C2orf76: variants seen among roughly 807,000 people sequenced by gnomAD.
C2orf76 encodes UPF0538 protein C2orf76.
In C2orf76, 23 loss-of-function variants were observed where a neutral mutation model predicts 16.9. The ratio of observed to expected loss-of-function variants is 1.36; its 90% confidence interval spans 0.98 to 1.93. The LOEUF (loss-of-function observed/expected upper bound fraction) is 1.93. C2orf76 is among the 30% of genes most tolerant of loss of function. The pLI is 0.00. For missense variants in C2orf76, 152 were observed against 152.6 expected, an observed-to-expected ratio of 1.00 and a Z score of 0.02; for synonymous variants, 48 against 52.3, an observed-to-expected ratio of 0.92 and a Z score of 0.35.
rs77642964 is a variant in C2orf76 at position 119,347,059 on chromosome 2, G to A, written c.-12-7088C>T. ...TGAGTGTAGGTGATGATCATAAAGC[G>A]GTGTTAAAACCATCAGGTAAGACTG... is the stretch of plus-strand genomic sequence containing the variant. On this transcript the variant is annotated intron_variant, in intron 1 of 5. Coordinates refer to ENST00000334816, the MANE Select transcript of C2orf76 (RefSeq NM_001322331.2). Among the ~76,000 whole-genome samples the A allele has an allele frequency of 5.3e-3, 808 of 152,248 alleles. 5 individuals carry two copies. The highest frequency in any genetic ancestry group is 0.019 in the African/African-American group (782 of 41,552).
intron 3 of C2orf76, among the ~76,000 whole-genome samples, chr2:119,319,944 G>A (rs190457243): frequency 3.9e-4 from 59 of 152,286 alleles, no homozygotes; most frequent in Middle Eastern, 3.4e-3. Context: ...TTCAGACAAA[G>A]CCACTTGAAG....
chr2:119,360,064 C>T (rs1277265872), intron 1 of C2orf76, among the ~76,000 whole-genome samples: 1 of 152,158 alleles, frequency 6.6e-6, no homozygotes, highest in African/African-American at 2.4e-5. Context: ...CAGCAACCAC[C>T]GCACCAATCA....
At chr2:119,285,352 C>T in the C2orf76 span, among the ~76,000 whole-genome samples, 1 of 152,294 alleles carries the variant, frequency 6.6e-6, no homozygotes, top group South Asian at 2.1e-4. Flanking sequence ...TGAAGGAAGA[C>T]CTTCATCAGG....
chr2:119,345,360 A>C lies in C2orf76; in HGVS notation c.-12-5389T>G, dbSNP rs905925757. ...TGAAAACTGGCCAACCAGTGTTGGC[A>C]AGGATATGGAGAAACAAATATTTTT... is the stretch of plus-strand genomic sequence containing the variant. On this transcript the variant is annotated intron_variant, in intron 1 of 5. Transcript: ENST00000334816. Among the ~76,000 whole-genome samples the C allele has an allele frequency of 2.0e-5, 3 of 152,212 alleles. No homozygotes were observed. In the East Asian group the frequency reaches 5.8e-4, roughly 29 times the overall value.
intron 1 of C2orf76, among the ~76,000 whole-genome samples, chr2:119,348,046 CAAAAAAAAA>C (rs1205382710): frequency 0.019 from 1,577 of 82,066 alleles, 17 homozygotes; most frequent in South Asian, 0.062. Context: ...GGCTCTGTCT[CAAAAAAAAA>C]AAAAAAAAAA....
chr2:119,309,075 T>C (rs1188752048), intron 5 of C2orf76, among the ~76,000 whole-genome samples: 1 of 152,168 alleles, frequency 6.6e-6, no homozygotes, highest in East Asian at 1.9e-4. Flanking sequence ...GTTATTTTCA[T>C]AGAGATGAGC....
intron 2 of C2orf76, among the ~76,000 whole-genome samples, chr2:119,336,704 A>G (rs1679857417): frequency 6.6e-6 from 1 of 152,112 alleles, no homozygotes; most frequent in Non-Finnish European, 1.5e-5. Flanking sequence ...AAAAAGAAAG[A>G]AAGAAAGGCA....
intron 2 of C2orf76, among the ~76,000 whole-genome samples, chr2:119,333,688 C>T (rs560231474): frequency 2.0e-5 from 3 of 152,230 alleles, no homozygotes; most frequent in African/African-American, 4.8e-5. Flanking sequence ...ATATATGGTC[C>T]ACAGACTGTT....
rs372869722 is a variant in C2orf76, at chr2:119,352,701, C to G, written c.-12-12730G>C. 8.7e-4 allele frequency among the ~76,000 whole-genome samples: 132 copies of G among 152,300 alleles called. 2 individuals carry two copies. In the South Asian group the frequency reaches 0.014, roughly 16 times the overall value. ...TTACTGGTTCAGATGCTGCCTAATT[C>G]ATGCATTGTTTCTTTACTCAAATAA... On this transcript the variant is annotated intron_variant, in intron 1 of 5. Coordinates refer to ENST00000334816, the MANE Select transcript of C2orf76 (RefSeq NM_001322331.2).
At chr2:119,289,816 A>G in the C2orf76 span, among the ~76,000 whole-genome samples, 5 of 151,852 alleles carry the variant, frequency 3.3e-5, no homozygotes, top group African/African-American at 9.7e-5. Context: ...CGTAGCCCCA[A>G]CTCAGCCCTC....
chr2:119,293,892 C>A, the C2orf76 span, among the ~76,000 whole-genome samples: 1 of 151,944 alleles, frequency 6.6e-6, no homozygotes, highest in African/African-American at 2.4e-5. Context: ...CTCAGAGGCT[C>A]AGCTGGAGTG....
chr2:119,293,211 G>T, the C2orf76 span, among the ~76,000 whole-genome samples: 3 of 152,204 alleles, frequency 2.0e-5, no homozygotes, highest in Admixed American at 1.3e-4. Context: ...AAGTAAAACA[G>T]AGATAGACAA....
downstream of C2orf76, among the ~76,000 whole-genome samples, chr2:119,297,859 A>C (rs1678563488): frequency 6.6e-6 from 1 of 152,224 alleles, no homozygotes; most frequent in Non-Finnish European, 1.5e-5. Context: ...CAGAAACTCT[A>C]AAAAATAGAC....
intron 2 of C2orf76, 47 bp downstream of exon 2, chr2:119,339,780 A>G (rs1205199465): frequency 2.6e-6 from 4 of 1,523,692 alleles, no homozygotes. Context: ...ATAGTCAGCT[A>G]TTTTTAAAAA....
chr2:119,285,146 T>A, the C2orf76 span, among the ~76,000 whole-genome samples: 5,528 of 152,302 alleles, frequency 0.036, 323 homozygotes, highest in African/African-American at 0.13. Flanking sequence ...TTCTTAACAA[T>A]CTGATAATTT....
chr2:119,314,014 G>GTTTTTTTTTTT (rs368623211), intron 4 of C2orf76, among the ~76,000 whole-genome samples: 8 of 86,138 alleles, frequency 9.3e-5, no homozygotes, highest in Admixed American at 1.4e-4. Context: ...TTTCTCAGTG[G>GTTTTTTTTTTT]TTTTTTTTTT....
the C2orf76 span, among the ~76,000 whole-genome samples, chr2:119,284,839 T>C: frequency 3.0e-4 from 45 of 152,320 alleles, 1 homozygote; most frequent in African/African-American, 7.5e-4. Context: ...AACCCATCAT[T>C]TCATGTGAAT....
intron 3 of C2orf76, among the ~76,000 whole-genome samples, chr2:119,317,724 C>G (rs1203196739): frequency 7.4e-6 from 1 of 134,648 alleles, no homozygotes; most frequent in Non-Finnish European, 1.5e-5. Flanking sequence ...TGGTCTTTGA[C>G]ACACAGCAGT....
intron 2 of C2orf76, among the ~76,000 whole-genome samples, chr2:119,327,604 A>AT (rs1303477040): frequency 1.3e-5 from 2 of 151,908 alleles, no homozygotes; most frequent in Non-Finnish European, 2.9e-5. Flanking sequence ...AAAGAGCCTG[A>AT]TATCTTCTCC....
Sources: gnomAD v4.1 joint callset for allele counts (sites outside exome capture counted in the v4.1 genomes callset) on GRCh38, gnomAD v4.1.1 for gene constraint, MANE v1.5 for transcripts, NCBI Gene and HGNC (gene_info 2026-07-23, HGNC 2026-07-21) for gene names.